The following CRTAC1 variants were observed in gnomAD, a reference collection of about 807,000 sequenced individuals.
CRTAC1 encodes the protein acidic secreted protein in cartilage.
Under a neutral mutation model 67.8 loss-of-function variants are expected in CRTAC1, and 37 were observed. That is an observed-to-expected ratio of 0.55 (90% CI 0.42 to 0.72). The LOEUF (loss-of-function observed/expected upper bound fraction) is 0.72. Ranked by LOEUF, CRTAC1 falls within the 30% of genes least tolerant of loss-of-function variation. CRTAC1 has a pLI of 0.00. For missense variants in CRTAC1, 780 were observed against 931.6 expected (o/e 0.84, Z 2.12); for synonymous variants, 348 against 371.0 (o/e 0.94, Z 0.71).
chr10:98,027,003 T>C (rs1843246717), intron 1 of CRTAC1, among the ~76,000 whole-genome samples: 1 of 151,996 alleles, frequency 6.6e-6, no homozygotes, highest in Non-Finnish European at 1.5e-5. Context: ...CCGTCTCTAC[T>C]AAAAATACAA....
intron 1 of CRTAC1, among the ~76,000 whole-genome samples, chr10:98,016,567 G>A (rs367552788): frequency 1.3e-4 from 20 of 152,196 alleles, no homozygotes; most frequent in African/African-American, 4.6e-4. Flanking sequence ...CTAGGCTGGC[G>A]GCTCTGAACC....
intron 2 of CRTAC1, among the ~76,000 whole-genome samples, chr10:97,959,690 T>C (rs1314593859): frequency 1.3e-5 from 2 of 152,220 alleles, no homozygotes; most frequent in Non-Finnish European, 2.9e-5. Flanking sequence ...CACTGGGCCA[T>C]AGGTAAGGCG....
At chr10:97,882,438 G>T (rs1479726559) in intron 13 of CRTAC1, among the ~76,000 whole-genome samples, 1 of 152,172 alleles carries the variant, frequency 6.6e-6, no homozygotes, top group Admixed American at 6.5e-5. Context: ...CAGCCCCCTT[G>T]CTTGCTGCTC....
chr10:98,010,319 C>T (rs995380606), intron 2 of CRTAC1, among the ~76,000 whole-genome samples: 1 of 152,098 alleles, frequency 6.6e-6, no homozygotes, highest in Non-Finnish European at 1.5e-5. Context: ...GGATTACAGG[C>T]GTGAGCCACT....
rs1048527653 is a variant in CRTAC1 at position 97,865,394 on chromosome 10, G to C, written c.*154C>G. 6 of 902,732 alleles carry C rather than the reference G, an allele frequency of 6.6e-6. No individual in the cohort carries two copies. Among genetic ancestry groups the C allele is most frequent in the Admixed American group, 3.0e-5 (1 of 33,646 alleles). The allele number at this position is 902,732 out of a possible 1,614,324, so 55.9% of individuals were successfully genotyped here. On this transcript the variant is annotated 3_prime_UTR_variant, in exon 15 of 15. Transcript: ENST00000370597. Reference sequence around the variant, plus strand: ...CCCAGCACAGGGCCTGGCCTTACGAGTCTCCCTAATTGTTAGCTAAGTAAT... The same window carrying C: ...CCCAGCACAGGGCCTGGCCTTACGACTCTCCCTAATTGTTAGCTAAGTAAT...
chr10:97,963,964 G>A (rs2051570462), intron 2 of CRTAC1, among the ~76,000 whole-genome samples: 2 of 152,170 alleles, frequency 1.3e-5, no homozygotes, highest in Admixed American at 1.3e-4. Context: ...TACCTTAAAT[G>A]TATGTCCTTT....
intron 2 of CRTAC1, among the ~76,000 whole-genome samples, chr10:97,968,399 T>C (rs2051653644): frequency 1.3e-5 from 2 of 152,164 alleles, no homozygotes; most frequent in South Asian, 2.1e-4. Flanking sequence ...CGTGCCACCA[T>C]GCCTGGCTAA....
intron 11 of CRTAC1, among the ~76,000 whole-genome samples, chr10:97,887,137 A>G (rs962763176): frequency 6.6e-6 from 1 of 152,106 alleles, no homozygotes; most frequent in Non-Finnish European, 1.5e-5. Context: ...TGTGTTTTCC[A>G]GACTGACTGA....
chr10:97,936,393 T>C (rs1163157066), intron 2 of CRTAC1, 27 bp from the exon 3 acceptor site: 3 of 1,582,210 alleles, frequency 1.9e-6, no homozygotes, highest in Admixed American at 3.4e-5. Context: ...GAGGGGATGC[T>C]GGGGAGGAGC....
intron 1 of CRTAC1, among the ~76,000 whole-genome samples, chr10:98,013,737 A>G (rs1472121746): frequency 6.6e-6 from 1 of 152,244 alleles, no homozygotes; most frequent in Non-Finnish European, 1.5e-5. Flanking sequence ...CTGCTTCTAT[A>G]AACTTCAGGC....
intron 6 of CRTAC1, among the ~76,000 whole-genome samples, chr10:97,905,187 C>G (rs2050595210): frequency 6.6e-6 from 1 of 152,148 alleles, no homozygotes; most frequent in Non-Finnish European, 1.5e-5. Flanking sequence ...TCATGCCACT[C>G]TTTTGCTTAA....
At chr10:97,896,681 G>T (rs1323997294) in intron 9 of CRTAC1, among the ~76,000 whole-genome samples, 2 of 152,162 alleles carry the variant, frequency 1.3e-5, no homozygotes, top group Non-Finnish European at 2.9e-5. Flanking sequence ...CCCCCCATCA[G>T]CCTGGGATTG....
chr10:97,882,502 G>A (rs747271761), intron 13 of CRTAC1, among the ~76,000 whole-genome samples: 1 of 152,186 alleles, frequency 6.6e-6, no homozygotes, highest in Non-Finnish European at 1.5e-5. Flanking sequence ...CCAGGTTGGT[G>A]GTGTGTCTCC....
rs1564942954 is a variant in CRTAC1 at position 98,029,319 on chromosome 10, T to TC, written c.24+1129dup. On this transcript the variant is annotated intron_variant, in intron 1 of 14. Coordinates refer to ENST00000370597, the MANE Select transcript of CRTAC1 (RefSeq NM_018058.7). The surrounding 1 kb of genome is among the most constrained non-coding windows in gnomAD (Gnocchi z 4.7). ...GACTCAAGAAAACACTATAGAACTG[T>TC]CCCCTGTCCTGGGACCCTCTTCCCT... 2.6e-5 allele frequency among the ~76,000 whole-genome samples: 4 copies of TC among 152,102 alleles called. No individual in the cohort carries two copies. Among genetic ancestry groups the TC allele is most frequent in the African/African-American group, 9.7e-5 (4 of 41,418 alleles).
intron 1 of CRTAC1, among the ~76,000 whole-genome samples, chr10:98,027,060 G>C (rs905681515): frequency 1.3e-5 from 2 of 151,848 alleles, no homozygotes; most frequent in African/African-American, 2.4e-5. Flanking sequence ...CCAGCTACTC[G>C]GGAGGCTGAG....
chr10:98,025,944 A>C (rs1843224446), intron 1 of CRTAC1, among the ~76,000 whole-genome samples: 1 of 152,232 alleles, frequency 6.6e-6, no homozygotes, highest in South Asian at 2.1e-4. Flanking sequence ...GGGCAGGGAA[A>C]GAGGCAAGGA....
rs1205786984 is a variant in CRTAC1 at position 98,030,100 on chromosome 10, C to T, written c.24+349G>A. On this transcript the variant is annotated intron_variant, in intron 1 of 14. Transcript: ENST00000370597. The surrounding 1 kb of genome is among the most constrained non-coding windows in gnomAD (Gnocchi z 4.2). ...CCGGCACATCCCTCCTCACCCGCTCCGCCCCCTCCAGGCCCCAGAGGCCCC... is the reference window on the plus strand; with the variant it reads ...CCGGCACATCCCTCCTCACCCGCTCTGCCCCCTCCAGGCCCCAGAGGCCCC... Among the ~76,000 whole-genome samples, 1 of 152,166 alleles carries T rather than the reference C, an allele frequency of 6.6e-6. No homozygotes were observed. The highest frequency in any genetic ancestry group is 1.5e-5 in the Non-Finnish European group (1 of 68,020).
At chr10:98,028,468 T>A (rs892468066) in intron 1 of CRTAC1, among the ~76,000 whole-genome samples, 1 of 152,190 alleles carries the variant, frequency 6.6e-6, no homozygotes, top group Non-Finnish European at 1.5e-5. Flanking sequence ...AGCTGTTTAG[T>A]AGGACTGCCT....
chr10:97,991,638 T>C (rs541902214), intron 2 of CRTAC1, among the ~76,000 whole-genome samples: 1 of 152,238 alleles, frequency 6.6e-6, no homozygotes, highest in South Asian at 2.1e-4. Context: ...CTAAGCAATT[T>C]ACATGGCTTA....
Sources: gnomAD v4.1 joint callset for allele counts (sites outside exome capture counted in the v4.1 genomes callset) on GRCh38, gnomAD v4.1.1 for gene constraint, Gnocchi (gnomAD v3.1) non-coding constraint, MANE v1.5 for transcripts, NCBI Gene and HGNC (gene_info 2026-07-23, HGNC 2026-07-21) for gene names.